Variants in CREB5 observed in about 807,000 individuals in gnomAD.
The protein encoded by CREB5 is cyclic AMP-responsive element-binding protein 5.
A neutral mutation model predicts 57.1 loss-of-function variants in CREB5; 19 were observed. The observed-to-expected ratio is 0.33, with a 90% confidence interval of 0.23 to 0.49. The LOEUF (loss-of-function observed/expected upper bound fraction) is 0.49, where lower values mean the gene tolerates loss of function less well. Among genes scored for constraint, CREB5 ranks in the 20% least tolerant of loss-of-function variants. The pLI, the probability that CREB5 is intolerant of heterozygous loss-of-function variation, is 0.99. For synonymous variants in CREB5, 238 were observed against 238.3 expected (o/e 1.00, Z 0.01); for missense variants, 579 against 671.6 (o/e 0.86, Z 1.52).
chr7:28,732,471 A>G (rs117387812), intron 7 of CREB5, among the ~76,000 whole-genome samples: 1 of 152,100 alleles, frequency 6.6e-6, no homozygotes, highest in East Asian at 1.9e-4. Flanking sequence ...TTTCTTGTGT[A>G]TTTGTGGACG....
At chr7:28,779,113 C>A (rs2299117) in intron 7 of CREB5, 2 of 151,936 alleles carry the variant, frequency 1.3e-5, no homozygotes, top group African/African-American at 4.8e-5. Flanking sequence ...GGTGTGCTTC[C>A]GAAAATTCCC....
chr7:28,505,169 TAGC>T (rs762909385), intron 3 of CREB5, among the ~76,000 whole-genome samples: 6 of 152,108 alleles, frequency 3.9e-5, no homozygotes, highest in Non-Finnish European at 5.9e-5. Flanking sequence ...GCAAAGCACT[TAGC>T]AGAATATGTG....
chr7:28,524,900 T>C (rs1279663558), intron 4 of CREB5, among the ~76,000 whole-genome samples: 1 of 152,236 alleles, frequency 6.6e-6, no homozygotes, highest in Non-Finnish European at 1.5e-5. Context: ...TACCATACTG[T>C]GCTATTAAAC....
chr7:28,810,046 T>G (rs1170379931), intron 9 of CREB5, among the ~76,000 whole-genome samples: 7 of 152,202 alleles, frequency 4.6e-5, no homozygotes, highest in Non-Finnish European at 8.8e-5. Context: ...GCTTAATTTT[T>G]GCTTTTTATG....
At chr7:28,764,245 A>AC (rs1287040496) in intron 7 of CREB5, among the ~76,000 whole-genome samples, 1 of 151,864 alleles carries the variant, frequency 6.6e-6, no homozygotes, top group African/African-American at 2.4e-5. Flanking sequence ...TTCTCTTATT[A>AC]TTTTTTTTAA....
intron 5 of CREB5, among the ~76,000 whole-genome samples, chr7:28,706,180 C>T (rs1441918186): frequency 6.6e-6 from 1 of 152,128 alleles, no homozygotes; most frequent in African/African-American, 2.4e-5. Flanking sequence ...CATGGCGAAA[C>T]CCCATCTCTA....
At chr7:28,385,966 ATATG>A (rs1787089691) in intron 1 of CREB5, among the ~76,000 whole-genome samples, 1 of 152,090 alleles carries the variant, frequency 6.6e-6, no homozygotes, top group South Asian at 2.1e-4. Flanking sequence ...TCTGATTTAT[ATATG>A]TATATAAATA....
chr7:28,521,691 A>G (rs1157952519), intron 4 of CREB5, among the ~76,000 whole-genome samples: 10 of 152,198 alleles, frequency 6.6e-5, no homozygotes, highest in African/African-American at 9.7e-5. Flanking sequence ...GTATATGCCA[A>G]TCTTACTTGG....
At chr7:28,567,030 A>G (rs922319413) in intron 4 of CREB5, among the ~76,000 whole-genome samples, 1 of 152,216 alleles carries the variant, frequency 6.6e-6, no homozygotes. Flanking sequence ...CTCTGAAGAA[A>G]TTAAACCTAT....
At chr7:28,456,245 T>TCC (rs10660620) in intron 1 of CREB5, among the ~76,000 whole-genome samples, 1 of 152,010 alleles carries the variant, frequency 6.6e-6, no homozygotes, top group African/African-American at 2.4e-5. Context: ...GATTGATTTT[T>TCC]CCCCCAAAGA....
At chr7:28,684,753 T>G (rs1243783075) in intron 5 of CREB5, among the ~76,000 whole-genome samples, 4 of 152,174 alleles carry the variant, frequency 2.6e-5, no homozygotes, top group African/African-American at 7.2e-5. Flanking sequence ...AAAAAAAAAT[T>G]GCAGCTTCAT....
At chr7:28,560,923 CGCGTGCGTGTGT>C (rs1416876023) in intron 4 of CREB5, among the ~76,000 whole-genome samples, 4 of 19,820 alleles carry the variant, frequency 2.0e-4, no homozygotes, top group Admixed American at 6.5e-4. Flanking sequence ...TGCGTGTGTG[CGCGTGCGTGTGT>C]GCGTGCGTGT....
intron 5 of CREB5, among the ~76,000 whole-genome samples, chr7:28,628,411 G>A (rs757173331): frequency 1.3e-5 from 2 of 152,096 alleles, no homozygotes; most frequent in Non-Finnish European, 2.9e-5. Flanking sequence ...GCCCCAGAAG[G>A]CTTAGCATCT....
chr7:28,719,599 TAG>T (rs1442322226), intron 6 of CREB5, among the ~76,000 whole-genome samples: 1 of 152,182 alleles, frequency 6.6e-6, no homozygotes, highest in Non-Finnish European at 1.5e-5. Context: ...ACCTGTGAGA[TAG>T]ACACTGTTTT....
At position 28,560,951 on chromosome 7, in the gene CREB5, C is replaced by CGT. The variant is rs1349050648; in HGVS notation, c.292-9406_292-9405dup. Among the ~76,000 whole-genome samples, 169 of 38,960 alleles carry CGT rather than the reference C, an allele frequency of 4.3e-3. 8 individuals carry two copies. The highest frequency in any genetic ancestry group is 6.4e-3 in the Admixed American group (20 of 3,122). The allele number at this position is 38,960 out of a possible 152,430, so 25.6% of individuals were successfully genotyped here. ...GTGCGTGTGTGCGTGCGTGTGTGTG[C>CGT]GTGTGTGTGCGTGTGTGTGTGCGTG... On this transcript the variant is annotated intron_variant, in intron 4 of 10. Transcript: ENST00000357727.
chr7:28,741,953 C>G (rs927155419), intron 7 of CREB5, among the ~76,000 whole-genome samples: 1 of 151,268 alleles, frequency 6.6e-6, no homozygotes, highest in East Asian at 2.0e-4. Flanking sequence ...GTAGTCCCAG[C>G]TACTTGGGAG....
chr7:28,600,704 G>A (rs1173542627), intron 5 of CREB5, among the ~76,000 whole-genome samples: 1 of 152,170 alleles, frequency 6.6e-6, no homozygotes, highest in African/African-American at 2.4e-5. Context: ...TGAAATAATT[G>A]TACCCCTAGC....
Position 28,448,124 on chromosome 7 carries a change from C to T in CREB5, c.3+35207C>T, listed in dbSNP as rs535272172. ...AGCGAATATAAAGCAGGCAGAAAAA[C>T]GTGAAAAGGAGAGACTGGCCTAGCC... On this transcript the variant is annotated intron_variant, in intron 1 of 10. Coordinates refer to ENST00000357727, the MANE Select transcript of CREB5 (RefSeq NM_182898.4). Among the ~76,000 whole-genome samples, 120 of 152,270 alleles carry T rather than the reference C, an allele frequency of 7.9e-4. 1 individual carries two copies. Among genetic ancestry groups the T allele is most frequent in the Non-Finnish European group, 1.1e-3 (72 of 68,030 alleles).
intron 1 of CREB5, among the ~76,000 whole-genome samples, chr7:28,347,283 TA>T (rs1417161157): frequency 6.6e-6 from 1 of 152,188 alleles, no homozygotes; most frequent in Non-Finnish European, 1.5e-5. Flanking sequence ...CATTTTACAT[TA>T]CAAAACCAGA....
Sources: gnomAD v4.1 joint callset for allele counts (sites outside exome capture counted in the v4.1 genomes callset) on GRCh38, gnomAD v4.1.1 for gene constraint, MANE v1.5 for transcripts, NCBI Gene and HGNC (gene_info 2026-07-23, HGNC 2026-07-21) for gene names.